DIP2C: variants seen among roughly 807,000 people sequenced by gnomAD.
DIP2C encodes disco-interacting protein 2 homolog C.
In DIP2C, 33 loss-of-function variants were observed where a neutral mutation model predicts 192.4. The ratio of observed to expected loss-of-function variants is 0.17; its 90% CI spans 0.13 to 0.23. The LOEUF (loss-of-function observed/expected upper bound fraction) is 0.23. Among genes scored for constraint, DIP2C ranks in the 10% least tolerant of loss-of-function variants. DIP2C has a pLI of 1.00. For synonymous variants in DIP2C, 979 were observed against 864.1 expected, an observed-to-expected ratio of 1.13 and a Z score of -2.33; for missense variants, 1,537 against 2,110.1, an observed-to-expected ratio of 0.73 and a Z score of 5.32.
chr10:655,511 CCT>C (rs1856231351), intron 1 of DIP2C, among the ~76,000 whole-genome samples: 1 of 152,144 alleles, frequency 6.6e-6, no homozygotes, highest in Non-Finnish European at 1.5e-5. Context: ...TACTCACTGT[CCT>C]CTCTGTTCTG....
At chr10:300,535 G>A (rs550409425) in intron 32 of DIP2C, among the ~76,000 whole-genome samples, 2 of 152,284 alleles carry the variant, frequency 1.3e-5, no homozygotes, top group Non-Finnish European at 2.9e-5. Context: ...TATTAAGTGC[G>A]TGGAGAAACC....
At chr10:442,844 A>C (rs79027945) in intron 3 of DIP2C, among the ~76,000 whole-genome samples, 1 of 152,176 alleles carries the variant, frequency 6.6e-6, no homozygotes, top group Non-Finnish European at 1.5e-5. Context: ...TAATTTTCTT[A>C]CTTTGTCTTC....
intron 1 of DIP2C, among the ~76,000 whole-genome samples, chr10:605,879 A>T (rs1411045230): frequency 3.3e-5 from 5 of 152,240 alleles, no homozygotes; most frequent in African/African-American, 1.2e-4. Context: ...AGAGACTCTC[A>T]GGAGAGCAGA....
chr10:349,915 A>C (rs1477883715), intron 24 of DIP2C, among the ~76,000 whole-genome samples: 1 of 152,196 alleles, frequency 6.6e-6, no homozygotes, highest in Non-Finnish European at 1.5e-5. Flanking sequence ...AAAAAACAAA[A>C]GCAAAATAAA....
chr10:584,215 C>A lies in DIP2C; in HGVS notation c.86-97685G>T, dbSNP rs140759124. Among the ~76,000 whole-genome samples the A allele has an allele frequency of 4.6e-5, 7 of 152,310 alleles. No homozygotes were observed. In the East Asian group the frequency reaches 1.3e-3, roughly 29 times the overall value. ...AAAAGAAAAATATACACCAATACTC[C>A]CCTATTCAACAGGCATTTAAAAAGT... On this transcript the variant is annotated intron_variant, in intron 1 of 36. Transcript: ENST00000280886.
intron 1 of DIP2C, among the ~76,000 whole-genome samples, chr10:513,583 C>T (rs999784248): frequency 6.6e-6 from 1 of 151,926 alleles, no homozygotes; most frequent in African/African-American, 2.4e-5. Context: ...CGCCACACTG[C>T]AGCCTGCAAT....
chr10:466,010 A>C (rs1209398343), intron 3 of DIP2C, among the ~76,000 whole-genome samples: 16 of 151,932 alleles, frequency 1.1e-4, no homozygotes, highest in Admixed American at 2.0e-4. Flanking sequence ...GCTACCAATG[A>C]CTTTCTTCAC....
At chr10:396,912 C>T (rs570370655) in intron 10 of DIP2C, among the ~76,000 whole-genome samples, 14 of 152,208 alleles carry the variant, frequency 9.2e-5, no homozygotes, top group African/African-American at 3.1e-4. Flanking sequence ...CCTGCCTCTG[C>T]CAGACACGAG....
chr10:613,996 G>C lies in DIP2C; in HGVS notation c.85+75498C>G, dbSNP rs559362891. ...ACCCACATACAGGACCAGGAAACCA[G>C]GCATTATCCTAAACCAGTGCCTGCA... is the stretch of plus-strand genomic sequence containing the variant. On this transcript the variant is annotated intron_variant, in intron 1 of 36. Transcript: ENST00000280886. Among the ~76,000 whole-genome samples, 5 of 152,300 alleles carry C rather than the reference G, an allele frequency of 3.3e-5. No individual in the cohort carries two copies. The East Asian group carries it at 9.7e-4, about 29-fold the overall frequency.
chr10:470,784 C>A, intron 3 of DIP2C, among the ~76,000 whole-genome samples: 1 of 152,186 alleles, frequency 6.6e-6, no homozygotes, highest in East Asian at 1.9e-4. Flanking sequence ...GGAGCGACCC[C>A]GTGTGATCGT....
At chr10:564,251 G>A (rs1588470265) in intron 1 of DIP2C, among the ~76,000 whole-genome samples, 1 of 151,920 alleles carries the variant, frequency 6.6e-6, no homozygotes, top group Non-Finnish European at 1.5e-5. Context: ...GCAGCGTCTG[G>A]GTGAACGTCA....
At chr10:676,349 G>A (rs1224805675) in intron 1 of DIP2C, among the ~76,000 whole-genome samples, 4 of 152,048 alleles carry the variant, frequency 2.6e-5, no homozygotes. Flanking sequence ...GAGATCTGTA[G>A]CAAGACAAGG....
intron 24 of DIP2C, among the ~76,000 whole-genome samples, chr10:352,043 G>A (rs778122449): frequency 4.5e-4 from 68 of 152,196 alleles, no homozygotes; most frequent in Non-Finnish European, 8.4e-4. Context: ...GGGAGGCCCC[G>A]ACCCCCACAG....
At chr10:425,692 CTA>C (rs1318176048) in intron 4 of DIP2C, among the ~76,000 whole-genome samples, 1 of 152,170 alleles carries the variant, frequency 6.6e-6, no homozygotes, top group Non-Finnish European at 1.5e-5. Flanking sequence ...CCAGCGGTGA[CTA>C]GAAGTAAATA....
intron 3 of DIP2C, among the ~76,000 whole-genome samples, chr10:449,920 C>CAAAAAAAAAAAAAAAAAAAAAAAAAAA (rs59135780): frequency 3.7e-5 from 5 of 135,924 alleles, no homozygotes; most frequent in Non-Finnish European, 4.6e-5. Context: ...TCAACAACAA[C>CAAAAAAAAAAAAAAAAAAAAAAAAAAA]AAAAAAAAAA....
At chr10:563,020 T>G (rs907024906) in intron 1 of DIP2C, among the ~76,000 whole-genome samples, 4 of 152,256 alleles carry the variant, frequency 2.6e-5, no homozygotes, top group African/African-American at 9.6e-5. Context: ...GTAATCTTCC[T>G]TGAAGGCTTT....
intron 10 of DIP2C, 24 bp downstream of exon 10, chr10:399,085 C>T (rs1322029001): frequency 1.9e-6 from 3 of 1,590,770 alleles, no homozygotes; most frequent in African/African-American, 1.3e-5. Flanking sequence ...CAGCGAGAAA[C>T]CGAGCAAAGG....
intron 1 of DIP2C, among the ~76,000 whole-genome samples, chr10:653,168 G>A (rs908087455): frequency 6.6e-6 from 1 of 152,092 alleles, no homozygotes; most frequent in Non-Finnish European, 1.5e-5. Flanking sequence ...GGTCATGGCA[G>A]CCAGGCACAG....
intron 29 of DIP2C, among the ~76,000 whole-genome samples, chr10:339,961 A>G (rs1224806379): frequency 2.0e-5 from 3 of 152,214 alleles, no homozygotes; most frequent in Non-Finnish European, 4.4e-5. Flanking sequence ...CGGGCAGATC[A>G]CTTGAGGTCA....
Sources: gnomAD v4.1 joint callset for allele counts (sites outside exome capture counted in the v4.1 genomes callset) on GRCh38, gnomAD v4.1.1 for gene constraint, MANE v1.5 for transcripts, NCBI Gene and HGNC (gene_info 2026-07-23, HGNC 2026-07-21) for gene names.